ZNF573: variants seen among roughly 807,000 people sequenced by gnomAD.
ZNF573 encodes the protein zinc finger protein 573.
In ZNF573, 41 loss-of-function variants were observed where a neutral mutation model predicts 57.4. The ratio of observed to expected loss-of-function variants is 0.71; its 90% CI spans 0.56 to 0.93. The LOEUF (loss-of-function observed/expected upper bound fraction) is 0.93. Ranked by LOEUF, ZNF573 falls within the 40% of genes least tolerant of loss-of-function variation. The pLI is 0.00. For synonymous variants in ZNF573, 249 were observed against 261.0 expected, an observed-to-expected ratio of 0.95 and a Z score of 0.44; for missense variants, 730 against 794.8, an observed-to-expected ratio of 0.92 and a Z score of 0.98.
intron 4 of ZNF573, among the ~76,000 whole-genome samples, chr19:37,763,758 T>C (rs2045574228): frequency 6.6e-6 from 1 of 151,890 alleles, no homozygotes; most frequent in Non-Finnish European, 1.5e-5. Flanking sequence ...GAATGTTTTA[T>C]GTGTCATAAA....
intron 1 of ZNF573, 126 bp from the exon 2 acceptor site, chr19:37,773,877 C>T: frequency 1.7e-6 from 1 of 601,818 alleles, no homozygotes; most frequent in Non-Finnish European, 2.8e-6. Context: ...GAAAAACAGA[C>T]AATGAATCTA....
intron 4 of ZNF573, among the ~76,000 whole-genome samples, chr19:37,769,447 G>C (rs373380642): frequency 2.0e-5 from 3 of 150,150 alleles, no homozygotes; most frequent in African/African-American, 7.4e-5. Flanking sequence ...GAAAAACGAG[G>C]CTGGGTGTAG....
rs1037196984 is a variant in ZNF573, at chr19:37,765,981, A to C, written c.295+4024T>G. On this transcript the variant is annotated intron_variant, in intron 4 of 4. Transcript: ENST00000536220. ...CTTGAACCTGGGAGGTGGAGGTTGC[A>C]ATGAGCCAAGATCACACCATTGCAT... is the stretch of plus-strand genomic sequence containing the variant. Among the ~76,000 whole-genome samples, 17 of 152,204 alleles carry C rather than the reference A, an allele frequency of 1.1e-4. 1 individual carries two copies. Among genetic ancestry groups the C allele is most frequent in the Non-Finnish European group, 2.4e-4 (16 of 68,004 alleles).
At chr19:37,746,553 C>CGGCG (rs2045384386) in intron 4 of ZNF573, among the ~76,000 whole-genome samples, 3 of 151,992 alleles carry the variant, frequency 2.0e-5, no homozygotes, top group African/African-American at 7.2e-5. Flanking sequence ...AAGCATACAT[C>CGGCG]GGCGAATGTG....
rs1197561928 is a variant in ZNF573 at position 37,758,202 on chromosome 19, A to T, written c.295+11803T>A. On this transcript the variant is annotated intron_variant, in intron 4 of 4. Transcript: ENST00000536220. ...TACCCTAGAACTTAAAGTATAATAA[A>T]ATATATATATATATATATATATATA... Among the ~76,000 whole-genome samples the T allele has an allele frequency of 1.7e-4, 3 of 17,184 alleles. 1 individual carries two copies. Among genetic ancestry groups the T allele is most frequent in the South Asian group, 2.4e-3 (1 of 416 alleles). The allele number at this position is 17,184 out of a possible 152,430, so 11.3% of individuals were successfully genotyped here.
At chr19:37,759,948 T>C (rs578199976) in intron 4 of ZNF573, among the ~76,000 whole-genome samples, 21 of 152,316 alleles carry the variant, frequency 1.4e-4, no homozygotes, top group Middle Eastern at 3.4e-3. Flanking sequence ...CAAGATGAAA[T>C]GGAGAAGATT....
At chr19:37,772,913 G>A in intron 2 of ZNF573, 1 of 983,462 alleles carries the variant, frequency 1.0e-6, no homozygotes, top group Non-Finnish European at 1.2e-6. Flanking sequence ...GGGATTACAG[G>A]TATGAGCCAC....
intron 4 of ZNF573, among the ~76,000 whole-genome samples, chr19:37,754,450 G>A (rs1175755452): frequency 2.7e-5 from 4 of 150,900 alleles, no homozygotes; most frequent in South Asian, 2.1e-4. Flanking sequence ...AACCCGGGGG[G>A]CAGAGGTTGC....
chr19:37,769,498 C>G (rs1158572261), intron 4 of ZNF573, among the ~76,000 whole-genome samples: 1 of 142,846 alleles, frequency 7.0e-6, no homozygotes, highest in Non-Finnish European at 1.5e-5. Flanking sequence ...GAGGCTGAGG[C>G]AGGCAGATCA....
chr19:37,764,435 C>T (rs1459320077), intron 4 of ZNF573, among the ~76,000 whole-genome samples: 2 of 151,038 alleles, frequency 1.3e-5, no homozygotes, highest in Non-Finnish European at 2.9e-5. Flanking sequence ...ATTCTCCTGT[C>T]TCAGCCTCCC....
At chr19:37,754,268 TC>T (rs1438641947) in intron 4 of ZNF573, among the ~76,000 whole-genome samples, 2 of 152,144 alleles carry the variant, frequency 1.3e-5, no homozygotes, top group African/African-American at 4.8e-5. Flanking sequence ...ACGCCTGTAA[TC>T]CCAGCACTTT....
In ZNF573 at chr19:37,738,841, T is replaced by A. The variant is rs868036443; in HGVS notation, c.1649A>T (p.Asp550Val). Residue 550 changes from aspartate (D) to valine (V), a missense_variant, in exon 5 of 5, where the codon GAT becomes GTT. Physicochemically the swap from Asp to Val is radical, Grantham distance 152. Transcript: ENST00000536220. ...TTCCTTACATTCAAAAGGTTTCTCA[T>A]CAGTATGAATACTTTGATGTAGAGT... ...NLTLHQSIHT[D>V]EKPFECKECG... The A allele has an allele frequency of 6.2e-7, 1 of 1,612,984 alleles. No homozygotes were observed. The highest frequency in any genetic ancestry group is 8.5e-7 in the Non-Finnish European group (1 of 1,179,672).
intron 4 of ZNF573, among the ~76,000 whole-genome samples, chr19:37,744,702 C>T (rs2145281575): frequency 7.0e-6 from 1 of 143,520 alleles, no homozygotes; most frequent in African/African-American, 2.6e-5. Flanking sequence ...GTTCACGCCA[C>T]TGCACTCCAG....
intron 3 of ZNF573, among the ~76,000 whole-genome samples, 199 bp downstream of exon 3, chr19:37,771,365 T>C (rs906530089): frequency 2.0e-5 from 3 of 152,128 alleles, no homozygotes; most frequent in African/African-American, 7.2e-5. Flanking sequence ...CAGGAGAATA[T>C]GTGACTATCT....
intron 2 of ZNF573, among the ~76,000 whole-genome samples, chr19:37,772,348 G>A (rs1183614404): frequency 2.6e-5 from 4 of 151,850 alleles, no homozygotes; most frequent in Admixed American, 1.3e-4. Context: ...GCCCAGGCTG[G>A]TTTCAAACTC....
chr19:37,776,367 AAAACAT>A (rs1439568059), intron 1 of ZNF573, among the ~76,000 whole-genome samples: 1 of 152,212 alleles, frequency 6.6e-6, no homozygotes, highest in Non-Finnish European at 1.5e-5. Flanking sequence ...AAAGTAAACA[AAAACAT>A]AAAGTGGGGA....
At chr19:37,764,263 T>C (rs1046615422) in intron 4 of ZNF573, among the ~76,000 whole-genome samples, 3 of 151,778 alleles carry the variant, frequency 2.0e-5, no homozygotes, top group Non-Finnish European at 4.4e-5. Context: ...TTTATTTTTA[T>C]GTAAATATGT....
At chr19:37,773,018 T>G in intron 2 of ZNF573, 1 of 965,082 alleles carries the variant, frequency 1.0e-6, no homozygotes. Flanking sequence ...AGGATAATAT[T>G]CTCATTCATC....
At chr19:37,743,998 T>G (rs1599683410) in intron 4 of ZNF573, among the ~76,000 whole-genome samples, 1 of 148,912 alleles carries the variant, frequency 6.7e-6, no homozygotes, top group East Asian at 2.0e-4. Context: ...GGCTGGGAGG[T>G]GAGGGGAGGG....
Sources: gnomAD v4.1 joint callset for allele counts (sites outside exome capture counted in the v4.1 genomes callset) on GRCh38, gnomAD v4.1.1 for gene constraint, MANE v1.5 for transcripts, NCBI Gene and HGNC (gene_info 2026-07-23, HGNC 2026-07-21) for gene names.